AURKA: variants seen among roughly 807,000 people sequenced by gnomAD.
The protein encoded by AURKA is aurora 2.
In AURKA, 12 loss-of-function variants were observed where a neutral mutation model predicts 40.9. The observed-to-expected ratio is 0.29, with a 90% CI of 0.19 to 0.48. The LOEUF (loss-of-function observed/expected upper bound fraction) is 0.48, where lower values mean the gene tolerates loss of function less well. Among genes scored for constraint, AURKA ranks in the 20% least tolerant of loss-of-function variants. The probability of loss-of-function intolerance (pLI) is 0.99; values close to 1 mark genes in which losing one functional copy is unlikely to be tolerated. For missense variants in AURKA, 322 were observed against 462.1 expected, an observed-to-expected ratio of 0.70 and a Z score of 2.78; for synonymous variants, 170 against 164.3, an observed-to-expected ratio of 1.03 and a Z score of -0.26.
chr20:56,378,603 T>C (rs974363012), intron 6 of AURKA, among the ~76,000 whole-genome samples: 1 of 152,168 alleles, frequency 6.6e-6, no homozygotes, highest in Admixed American at 6.5e-5. Context: ...CAAAACATGA[T>C]AACTGCCAAA....
rs767174234 is a variant in AURKA at position 56,369,699 on chromosome 20, G to A, written c.*459C>T. On this transcript the variant is annotated 3_prime_UTR_variant, in exon 9 of 9. Transcript: ENST00000395915. ...ATATCTTTATTTTCATACTTAAAAA[G>A]AATCACATACTCATTCCAACAGCTT... 2.3e-5 allele frequency: 8 copies of A among 340,984 alleles called. No individual in the cohort carries two copies. The highest frequency in any genetic ancestry group is 8.3e-4 in the Middle Eastern group (1 of 1,204). 21.1% of individuals were successfully genotyped at this position (340,984 alleles called of 1,614,324 possible).
intron 3 of AURKA, among the ~76,000 whole-genome samples, chr20:56,385,973 C>T (rs1986305973): frequency 6.6e-6 from 1 of 152,150 alleles, no homozygotes; most frequent in Admixed American, 6.5e-5. Flanking sequence ...TGCAAGCACC[C>T]TACATCCAGA....
rs11467339 is a variant in AURKA, at chr20:56,374,016, TACACACACAC to T, written c.706-470_706-461del. On this transcript the variant is annotated intron_variant, in intron 6 of 8. Coordinates refer to ENST00000395915, the MANE Select transcript of AURKA (RefSeq NM_198437.3). ...GGATTGTAGAAATTATATAGGAGTCTACACACACACACACACACACACACACACACACACA... is the reference window on the plus strand; with the variant it reads ...GGATTGTAGAAATTATATAGGAGTCTACACACACACACACACACACACACA... 2.5e-3 allele frequency among the ~76,000 whole-genome samples: 372 copies of T among 147,610 alleles called. 1 individual carries two copies. Among genetic ancestry groups the T allele is most frequent in the African/African-American group, 8.5e-3 (345 of 40,506 alleles).
At chr20:56,389,983 T>G (rs578096146) in intron 1 of AURKA, among the ~76,000 whole-genome samples, 2 of 152,318 alleles carry the variant, frequency 1.3e-5, no homozygotes, top group East Asian at 3.9e-4. Flanking sequence ...CCTTACCCTG[T>G]CATGGTCCAT....
At chr20:56,384,470 C>A in intron 3 of AURKA, 146 bp from the exon 4 acceptor site, 4 of 661,396 alleles carry the variant, frequency 6.0e-6, no homozygotes, top group Non-Finnish European at 7.6e-6. Context: ...TTAAAGTTTT[C>A]CTTATAGAAA....
intron 5 of AURKA, 129 bp downstream of exon 5, chr20:56,382,856 C>T: frequency 1.1e-6 from 1 of 949,480 alleles, no homozygotes; most frequent in Non-Finnish European, 1.7e-6. Context: ...AGGAACGGGG[C>T]CATGCATTTG....
rs73913920 is a variant in AURKA at position 56,378,293 on chromosome 20, G to A, written c.705+3140C>T. The stretch of plus-strand genomic sequence containing the variant: ...CAGAATTGTTAACCAGCTGCCCCAC[G>A]GAAACCAACTTTATCAATTAGAGTG... On this transcript the variant is annotated intron_variant, in intron 6 of 8. Coordinates refer to ENST00000395915, the MANE Select transcript of AURKA (RefSeq NM_198437.3). Among the ~76,000 whole-genome samples the A allele has an allele frequency of 5.8e-3, 876 of 152,252 alleles. 13 individuals are homozygous for A. Among genetic ancestry groups the A allele is most frequent in the African/African-American group, 0.02 (838 of 41,544 alleles).
At chr20:56,389,132 C>T (rs1408822371) in intron 1 of AURKA, among the ~76,000 whole-genome samples, 2 of 152,198 alleles carry the variant, frequency 1.3e-5, no homozygotes, top group Non-Finnish European at 2.9e-5. Context: ...ACCACCTAGT[C>T]GTCCTGTCTT....
At position 56,375,067 on chromosome 20, in the gene AURKA, GAA is replaced by G. The variant is rs1006070253; in HGVS notation, c.706-1513_706-1512del. Among the ~76,000 whole-genome samples, 6 of 152,118 alleles carry G rather than the reference GAA, an allele frequency of 3.9e-5. No homozygotes were observed. In the East Asian group the frequency reaches 9.7e-4, roughly 25 times the overall value. On this transcript the variant is annotated intron_variant, in intron 6 of 8. Transcript: ENST00000395915. ...CCGTCTCAAAAAAAAGCAAGAAAAA[GAA>G]AAGTTTTACAGTCCCTATCGCTAAG...
intron 1 of AURKA, chr20:56,388,488 C>T (rs555644809): frequency 6.2e-6 from 3 of 483,044 alleles, no homozygotes; most frequent in Non-Finnish European, 1.1e-5. Flanking sequence ...CATCCCTGTG[C>T]AGCCTACTGG....
intron 6 of AURKA, among the ~76,000 whole-genome samples, chr20:56,379,253 T>A (rs1985372471): frequency 6.6e-6 from 1 of 152,220 alleles, no homozygotes; most frequent in Non-Finnish European, 1.5e-5. Context: ...TTAACAATTC[T>A]GATACCATTA....
At chr20:56,384,347 C>T (rs1986101972) in intron 3 of AURKA, 23 bp from the exon 4 acceptor site, 1 of 1,547,448 alleles carries the variant, frequency 6.5e-7, no homozygotes, top group African/African-American at 1.4e-5. Flanking sequence ...AGTTAAAAAC[C>T]TGTTTTTAGA....
intron 7 of AURKA, among the ~76,000 whole-genome samples, chr20:56,371,388 G>A (rs569593545): frequency 6.6e-6 from 1 of 151,900 alleles, no homozygotes; most frequent in East Asian, 1.9e-4. Context: ...CGTGAACCCG[G>A]GAGGCGAGCT....
At chr20:56,371,268 C>CT (rs1347804575) in intron 7 of AURKA, among the ~76,000 whole-genome samples, 2 of 152,122 alleles carry the variant, frequency 1.3e-5, no homozygotes, top group Non-Finnish European at 2.9e-5. Flanking sequence ...CGAGACCATC[C>CT]TGGCTAACAT....
At chr20:56,387,446 C>A (rs1381145553) in intron 2 of AURKA, among the ~76,000 whole-genome samples, 2 of 152,194 alleles carry the variant, frequency 1.3e-5, no homozygotes, top group African/African-American at 4.8e-5. Context: ...GCCACCGCGC[C>A]CAGCCTTGAA....
chr20:56,369,763 C>T lies in AURKA; in HGVS notation c.*395G>A, dbSNP rs149949777. On this transcript the variant is annotated 3_prime_UTR_variant, in exon 9 of 9. Coordinates refer to ENST00000395915, the MANE Select transcript of AURKA (RefSeq NM_198437.3). ...CAACCCAATAAGTTACACACTCACT[C>T]AGGTACTAGGAAGGTTATTGCACAG... 2 of 405,152 alleles carry T rather than the reference C, an allele frequency of 4.9e-6. No individual in the cohort carries two copies. Among genetic ancestry groups the T allele is most frequent in the East Asian group, 8.1e-5 (2 of 24,742 alleles). The allele number at this position is 405,152 out of a possible 1,614,324, so 25.1% of individuals were successfully genotyped here.
At chr20:56,386,123 A>G (rs1986323995) in intron 3 of AURKA, 134 bp downstream of exon 3, 6 of 1,291,722 alleles carry the variant, frequency 4.6e-6, no homozygotes, top group South Asian at 3.7e-5. Flanking sequence ...TTCAACCCAG[A>G]CACCATATTT....
At chr20:56,378,387 C>A (rs1325137078) in intron 6 of AURKA, among the ~76,000 whole-genome samples, 1 of 152,188 alleles carries the variant, frequency 6.6e-6, no homozygotes, top group Admixed American at 6.5e-5. Flanking sequence ...TGGATCAACA[C>A]TTTACCCTCA....
chr20:56,383,585 G>C (rs759347557), intron 4 of AURKA, among the ~76,000 whole-genome samples: 3 of 152,244 alleles, frequency 2.0e-5, no homozygotes, highest in Non-Finnish European at 4.4e-5. Context: ...CAGTCCCAGA[G>C]GTGCTAATTC....
Sources: gnomAD v4.1 joint callset for allele counts (sites outside exome capture counted in the v4.1 genomes callset) on GRCh38, gnomAD v4.1.1 for gene constraint, MANE v1.5 for transcripts, NCBI Gene and HGNC (gene_info 2026-07-23, HGNC 2026-07-21) for gene names.